Variants in CDH13 observed in about 807,000 individuals in gnomAD.
CDH13 encodes the protein cadherin 13.
In CDH13, 24 loss-of-function variants were observed where a neutral mutation model predicts 63.8. That is an observed-to-expected ratio of 0.38 (90% CI 0.27 to 0.53). The LOEUF (loss-of-function observed/expected upper bound fraction) is 0.53. CDH13 is among the 20% of genes least tolerant of loss of function. The probability of loss-of-function intolerance (pLI) is 0.85; values close to 1 mark genes in which losing one functional copy is unlikely to be tolerated. For missense variants in CDH13, 1,049 were observed against 903.1 expected, an observed-to-expected ratio of 1.16 and a Z score of -2.07; for synonymous variants, 503 against 355.3, an observed-to-expected ratio of 1.42 and a Z score of -4.67.
intron 1 of CDH13, among the ~76,000 whole-genome samples, chr16:82,654,230 C>G (rs1210135136): frequency 6.6e-6 from 1 of 152,158 alleles, no homozygotes; most frequent in Non-Finnish European, 1.5e-5. Flanking sequence ...CCGAGTCTCT[C>G]TGCCTGAAAC....
At chr16:83,143,787 C>G (rs566474546) in intron 4 of CDH13, among the ~76,000 whole-genome samples, 1 of 152,046 alleles carries the variant, frequency 6.6e-6, no homozygotes, top group Non-Finnish European at 1.5e-5. Flanking sequence ...TCCTTCGTTT[C>G]CAGGCTTTCT....
intron 2 of CDH13, among the ~76,000 whole-genome samples, chr16:82,891,511 G>C (rs545349141): frequency 6.6e-6 from 1 of 152,262 alleles, no homozygotes; most frequent in African/African-American, 2.4e-5. Context: ...TGGGTTGTCT[G>C]GAAGATCCCA....
chr16:83,402,154 G>T (rs1252057232), intron 6 of CDH13, among the ~76,000 whole-genome samples: 1 of 152,026 alleles, frequency 6.6e-6, no homozygotes, highest in Non-Finnish European at 1.5e-5. Context: ...CACTAGCCTA[G>T]TATTATTATT....
intron 13 of CDH13, among the ~76,000 whole-genome samples, chr16:83,791,038 C>T (rs1057202987): frequency 6.6e-6 from 1 of 152,164 alleles, no homozygotes; most frequent in South Asian, 2.1e-4. Context: ...GGGGAGTGGG[C>T]AGGGCACAGT....
intron 2 of CDH13, among the ~76,000 whole-genome samples, chr16:82,872,104 G>C (rs1291635986): frequency 1.3e-5 from 2 of 152,204 alleles, no homozygotes; most frequent in African/African-American, 4.8e-5. Flanking sequence ...TCCGTTCTAA[G>C]GGTATTGTGC....
intron 5 of CDH13, among the ~76,000 whole-genome samples, chr16:83,259,245 G>T (rs1183565044): frequency 6.6e-6 from 1 of 152,170 alleles, no homozygotes; most frequent in African/African-American, 2.4e-5. Context: ...TTTCTCATCT[G>T]TGAAGTGGAG....
chr16:83,428,903 T>G (rs2072001347), intron 6 of CDH13, among the ~76,000 whole-genome samples: 1 of 152,256 alleles, frequency 6.6e-6, no homozygotes, highest in African/African-American at 2.4e-5. Context: ...ACTGTTGCAC[T>G]GGGCCAATCC....
At chr16:83,531,301 C>T (rs1434541000) in intron 7 of CDH13, among the ~76,000 whole-genome samples, 1 of 152,184 alleles carries the variant, frequency 6.6e-6, no homozygotes, top group Non-Finnish European at 1.5e-5. Context: ...TAGAGCCTGG[C>T]ATGGCCTGAA....
intron 1 of CDH13, among the ~76,000 whole-genome samples, chr16:82,792,262 G>C (rs150646843): frequency 6.6e-6 from 1 of 152,104 alleles, no homozygotes; most frequent in Non-Finnish European, 1.5e-5. Context: ...GCCTTTCCCA[G>C]TATGGAAGTC....
intron 8 of CDH13, among the ~76,000 whole-genome samples, chr16:83,648,829 C>T (rs879851570): frequency 1.1e-4 from 17 of 152,000 alleles, no homozygotes; most frequent in African/African-American, 2.2e-4. Context: ...CTCTTTCCCT[C>T]GCTGTTTCTT....
At chr16:83,551,170 C>T (rs543797295) in intron 7 of CDH13, among the ~76,000 whole-genome samples, 2 of 152,206 alleles carry the variant, frequency 1.3e-5, no homozygotes, top group Non-Finnish European at 2.9e-5. Flanking sequence ...CAAACTCCGC[C>T]TCCCGGGTTC....
intron 2 of CDH13, among the ~76,000 whole-genome samples, chr16:83,000,959 C>T (rs1912860686): frequency 6.6e-6 from 1 of 152,154 alleles, no homozygotes; most frequent in Admixed American, 6.6e-5. Flanking sequence ...CTTTCCTCAG[C>T]GCTTTTCACT....
At chr16:83,558,675 G>C (rs1320396831) in intron 7 of CDH13, among the ~76,000 whole-genome samples, 1 of 152,016 alleles carries the variant, frequency 6.6e-6, no homozygotes, top group Non-Finnish European at 1.5e-5. Context: ...CTGTATTTGA[G>C]TGTTAGTGTT....
intron 5 of CDH13, among the ~76,000 whole-genome samples, chr16:83,302,952 T>G (rs1240650123): frequency 6.6e-6 from 1 of 152,178 alleles, no homozygotes; most frequent in Non-Finnish European, 1.5e-5. Context: ...TGCTCAAAAA[T>G]CTCATCAAGG....
At chr16:82,734,433 G>C in intron 1 of CDH13, among the ~76,000 whole-genome samples, 1 of 152,208 alleles carries the variant, frequency 6.6e-6, no homozygotes, top group East Asian at 1.9e-4. Context: ...TGTTTGAGGA[G>C]GCAGGTGCGC....
intron 5 of CDH13, among the ~76,000 whole-genome samples, chr16:83,299,323 A>G (rs2151874014): frequency 6.6e-6 from 1 of 151,718 alleles, no homozygotes; most frequent in African/African-American, 2.4e-5. Context: ...ATTCCCCAGA[A>G]CATTATAAGG....
intron 2 of CDH13, among the ~76,000 whole-genome samples, chr16:82,958,084 A>C (rs1030875165): frequency 7.2e-5 from 11 of 152,202 alleles, no homozygotes; most frequent in African/African-American, 2.7e-4. Flanking sequence ...CAGATTCCTA[A>C]CTAAGTACTC....
intron 1 of CDH13, among the ~76,000 whole-genome samples, chr16:82,741,815 C>G (rs2033945361): frequency 6.6e-6 from 1 of 152,074 alleles, no homozygotes; most frequent in Non-Finnish European, 1.5e-5. Flanking sequence ...TTGAAAAAAA[C>G]ATGGATATCT....
chr16:82,821,663 A>G (rs1162906961), intron 1 of CDH13, among the ~76,000 whole-genome samples: 4 of 152,250 alleles, frequency 2.6e-5, no homozygotes, highest in Non-Finnish European at 5.9e-5. Flanking sequence ...ACATGAATCA[A>G]TGACTTGAAA....
Sources: gnomAD v4.1 joint callset for allele counts (sites outside exome capture counted in the v4.1 genomes callset) on GRCh38, gnomAD v4.1.1 for gene constraint, MANE v1.5 for transcripts, NCBI Gene and HGNC (gene_info 2026-07-23, HGNC 2026-07-21) for gene names.